DCK: variants seen among roughly 807,000 people sequenced by gnomAD.
DCK encodes the protein deoxyadenosine kinase.
DCK carries 23 observed loss-of-function variants against 38.3 expected under a neutral mutation model. The ratio of observed to expected loss-of-function variants is 0.60; its 90% CI spans 0.43 to 0.85. The LOEUF is 0.85. Among genes scored for constraint, DCK ranks in the 40% least tolerant of loss-of-function variants. DCK has a pLI of 0.00. For missense variants in DCK, 259 were observed against 304.4 expected (o/e 0.85, Z 1.11); for synonymous variants, 108 against 100.6 (o/e 1.07, Z -0.44).
intron 2 of DCK, among the ~76,000 whole-genome samples, chr4:71,013,724 C>T (rs1740164762): frequency 6.6e-6 from 1 of 152,132 alleles, no homozygotes; most frequent in South Asian, 2.1e-4. Flanking sequence ...GATTTTATCA[C>T]CACCAGGCCT....
intron 2 of DCK, among the ~76,000 whole-genome samples, chr4:71,019,673 C>T (rs1021796512): frequency 4.6e-5 from 7 of 152,048 alleles, no homozygotes; most frequent in South Asian, 4.1e-4. Context: ...TCATCTTATC[C>T]GGTCTGTGTT....
intron 2 of DCK, among the ~76,000 whole-genome samples, chr4:71,015,590 C>G (rs1740240150): frequency 6.6e-6 from 1 of 152,188 alleles, no homozygotes; most frequent in Non-Finnish European, 1.5e-5. Flanking sequence ...CCACCATGAT[C>G]AATTGTGCTT....
chr4:71,022,346 CT>C lies in DCK; in HGVS notation c.208-16del, dbSNP rs776887721. 2.1e-6 allele frequency: 3 copies of C among 1,442,632 alleles called. No individual in the cohort carries two copies. The highest frequency in any genetic ancestry group is 3.0e-5 in the South Asian group (2 of 66,484). The allele number at this position is 1,442,632 out of a possible 1,614,324, so 89.4% of individuals were successfully genotyped here. On this transcript the variant is annotated intron_variant, in intron 2 of 6. Coordinates refer to ENST00000286648, the MANE Select transcript of DCK (RefSeq NM_000788.3). ...TGACCATTAATTTTGCTTTTTATTTCTTTTTGCACATTCAAAATAGGAACTT... is the reference window on the plus strand; with the variant it reads ...TGACCATTAATTTTGCTTTTTATTTCTTTTGCACATTCAAAATAGGAACTT...
chr4:71,025,794 A>C, intron 4 of DCK, 22 bp from the exon 5 acceptor site: 12 of 1,573,044 alleles, frequency 7.6e-6, no homozygotes, highest in Non-Finnish European at 1.0e-5. Context: ...TTTTTCTTCC[A>C]TCTCTTATTA....
chr4:71,008,877 A>G (rs1026566544), intron 2 of DCK, among the ~76,000 whole-genome samples: 3 of 152,250 alleles, frequency 2.0e-5, no homozygotes, highest in Non-Finnish European at 2.9e-5. Flanking sequence ...ATTCTCAACC[A>G]GTGGAAGGAA....
intron 2 of DCK, among the ~76,000 whole-genome samples, chr4:71,013,134 C>A (rs975719720): frequency 2.0e-5 from 3 of 152,076 alleles, no homozygotes; most frequent in African/African-American, 7.2e-5. Context: ...GTAGCCGATT[C>A]AATCAACTGG....
intron 2 of DCK, among the ~76,000 whole-genome samples, chr4:70,998,734 G>A (rs908429701): frequency 2.6e-5 from 4 of 152,012 alleles, no homozygotes; most frequent in Non-Finnish European, 5.9e-5. Context: ...GACCAGCCTC[G>A]TTAACATGGT....
chr4:71,023,136 A>G (rs935619558), intron 3 of DCK, among the ~76,000 whole-genome samples: 5 of 152,252 alleles, frequency 3.3e-5, no homozygotes, highest in African/African-American at 9.6e-5. Context: ...ACATATTAAT[A>G]TAAATACATT....
rs936293394 is a variant in DCK, at chr4:70,993,698, G to C, written c.-138G>C. 1.9e-5 allele frequency: 11 copies of C among 585,534 alleles called. No individual in the cohort carries two copies. The highest frequency in any genetic ancestry group is 3.0e-5 in the Non-Finnish European group (10 of 335,400). 36.3% of individuals were successfully genotyped at this position (585,534 alleles called of 1,614,324 possible). The stretch of plus-strand genomic sequence containing the variant: ...CCAAAGTCAAACCCCGACACCCGCC[G>C]GCGGGCCGGTGAGCTCACTAGCTGA... On this transcript the variant is annotated 5_prime_UTR_variant, in exon 1 of 7. Coordinates refer to ENST00000286648, the MANE Select transcript of DCK (RefSeq NM_000788.3).
At chr4:71,018,834 G>T (rs1444553956) in intron 2 of DCK, among the ~76,000 whole-genome samples, 1 of 151,756 alleles carries the variant, frequency 6.6e-6, no homozygotes, top group Non-Finnish European at 1.5e-5. Context: ...ACCATACCTG[G>T]CTAATTTTTG....
intron 5 of DCK, 80 bp from the exon 6 acceptor site, chr4:71,026,585 A>T (rs2148920116): frequency 1.3e-6 from 1 of 752,512 alleles, no homozygotes; most frequent in South Asian, 1.6e-5. Flanking sequence ...TTTTCCAAGG[A>T]CATACGAATG....
At chr4:71,010,836 T>C (rs1740072525) in intron 2 of DCK, among the ~76,000 whole-genome samples, 1 of 151,686 alleles carries the variant, frequency 6.6e-6, no homozygotes, top group African/African-American at 2.4e-5. Context: ...CAATACTTCT[T>C]ACCACTAATA....
chr4:71,001,611 G>A (rs545512494), intron 2 of DCK, among the ~76,000 whole-genome samples: 1 of 152,108 alleles, frequency 6.6e-6, no homozygotes, highest in Non-Finnish European at 1.5e-5. Context: ...GAATCCATCT[G>A]GTCCTGGGCT....
At position 71,029,410 on chromosome 4, in the gene DCK, TC is replaced by T; in HGVS notation, c.*34del. 6.4e-7 allele frequency: 1 copy of T among 1,554,862 alleles called. No homozygotes were observed. The highest frequency in any genetic ancestry group is 8.9e-7 in the Non-Finnish European group (1 of 1,127,134). ...TGAAGACTACAGGCAGCCAAATGGT[TC>T]CAGATACTTCAGCTTTGTGTATCTT... On this transcript the variant is annotated 3_prime_UTR_variant, in exon 7 of 7. Transcript: ENST00000286648.
chr4:71,013,901 A>C (rs1295666114), intron 2 of DCK, among the ~76,000 whole-genome samples: 2 of 152,234 alleles, frequency 1.3e-5, no homozygotes, highest in African/African-American at 4.8e-5. Context: ...TCAAATTCAC[A>C]CATAACAATA....
chr4:71,016,642 C>T (rs1740270010), intron 2 of DCK, among the ~76,000 whole-genome samples: 1 of 152,090 alleles, frequency 6.6e-6, no homozygotes, highest in African/African-American at 2.4e-5. Context: ...CATCTACAAC[C>T]ATCTGATCTT....
chr4:70,999,597 A>G (rs541783720), intron 2 of DCK, among the ~76,000 whole-genome samples: 3 of 152,352 alleles, frequency 2.0e-5, no homozygotes, highest in Admixed American at 6.5e-5. Flanking sequence ...GAATCGCCAC[A>G]CTATCTTCCA....
At chr4:71,022,588 A>G (rs746713530) in intron 3 of DCK, 28 bp downstream of exon 3, 7 of 1,303,186 alleles carry the variant, frequency 5.4e-6, no homozygotes, top group African/African-American at 1.5e-5. Flanking sequence ...GTACGTGGCC[A>G]TTTGAAGTTT....
At chr4:70,997,707 C>T (rs1341972805) in intron 1 of DCK, among the ~76,000 whole-genome samples, 1 of 152,142 alleles carries the variant, frequency 6.6e-6, no homozygotes, top group Non-Finnish European at 1.5e-5. Flanking sequence ...CACGCACACA[C>T]AGGGAAAGAG....
Sources: gnomAD v4.1 joint callset for allele counts (sites outside exome capture counted in the v4.1 genomes callset) on GRCh38, gnomAD v4.1.1 for gene constraint, MANE v1.5 for transcripts, NCBI Gene and HGNC (gene_info 2026-07-23, HGNC 2026-07-21) for gene names.